Variants in SORCS3 observed in about 807,000 individuals in gnomAD.
The protein encoded by SORCS3 is sortilin related VPS10 domain containing receptor 3.
SORCS3 carries 57 observed loss-of-function variants against 146.3 expected under a neutral mutation model. The observed-to-expected ratio is 0.39, with a 90% CI of 0.31 to 0.49. The LOEUF (loss-of-function observed/expected upper bound fraction) is 0.49. SORCS3 is among the 20% of genes least tolerant of loss of function. The pLI is 0.92. For missense variants in SORCS3, 1,341 were observed against 1,575.5 expected (o/e 0.85, Z 2.52); for synonymous variants, 653 against 618.5 (o/e 1.06, Z -0.83).
intron 3 of SORCS3, among the ~76,000 whole-genome samples, chr10:104,920,325 A>G (rs2019075050): frequency 6.6e-6 from 1 of 152,220 alleles, no homozygotes; most frequent in Non-Finnish European, 1.5e-5. Flanking sequence ...CCCAAAGCTA[A>G]TTGTTGATTT....
At chr10:104,659,349 G>T (rs1261345606) in intron 1 of SORCS3, among the ~76,000 whole-genome samples, 16 of 152,188 alleles carry the variant, frequency 1.1e-4, no homozygotes, top group Admixed American at 1.0e-3. Flanking sequence ...ATTGTATAGT[G>T]CCCAAATTCA....
chr10:104,977,531 A>G, intron 4 of SORCS3, 38 bp downstream of exon 4: 1 of 1,526,794 alleles, frequency 6.5e-7, no homozygotes. Context: ...CTTGTCATCC[A>G]GGTACCACCA....
At chr10:104,703,586 C>T (rs1431696657) in intron 1 of SORCS3, among the ~76,000 whole-genome samples, 2 of 151,464 alleles carry the variant, frequency 1.3e-5, no homozygotes, top group Non-Finnish European at 1.5e-5. Flanking sequence ...AAACAATACA[C>T]CGGGGCCTGC....
At chr10:105,104,418 C>A (rs1240867433) in intron 6 of SORCS3, among the ~76,000 whole-genome samples, 1 of 152,142 alleles carries the variant, frequency 6.6e-6, no homozygotes, top group African/African-American at 2.4e-5. Context: ...GGATAACCTT[C>A]TAGTCATAAT....
At chr10:104,999,468 T>C (rs550162319) in intron 4 of SORCS3, among the ~76,000 whole-genome samples, 3 of 152,224 alleles carry the variant, frequency 2.0e-5, no homozygotes, top group Non-Finnish European at 4.4e-5. Flanking sequence ...TTTCTGCCTG[T>C]TGGAAATAGT....
At position 105,147,622 on chromosome 10, in the gene SORCS3, G is replaced by T; in HGVS notation, c.1308G>T (p.Met436Ile). Residue 436 changes from methionine to isoleucine, a missense_variant, in exon 9 of 27, where the codon ATG (methionine) becomes ATT (isoleucine). Physicochemically the swap from Met to Ile is conservative, Grantham distance 10. Transcript: ENST00000369701. The stretch of plus-strand genomic sequence containing the variant: ...AGCCTTCCATCTTCTTTCAGGACAT[G>T]CACATCATCAGTACAGACGAGAACC... ...KLPKYSLPKD[M>I]HIISTDENQV... 6.2e-7 allele frequency: 1 copy of T among 1,608,632 alleles called. No homozygotes were observed. The highest frequency in any genetic ancestry group is 8.5e-7 in the Non-Finnish European group (1 of 1,176,910).
intron 1 of SORCS3, among the ~76,000 whole-genome samples, chr10:104,664,344 A>G (rs1413454928): frequency 6.6e-6 from 1 of 152,218 alleles, no homozygotes; most frequent in Non-Finnish European, 1.5e-5. Flanking sequence ...GCCTTGAGGA[A>G]TCATCCTTGA....
intron 4 of SORCS3, among the ~76,000 whole-genome samples, chr10:105,037,968 A>G (rs1440775469): frequency 6.6e-6 from 1 of 152,224 alleles, no homozygotes; most frequent in Non-Finnish European, 1.5e-5. Context: ...TAATTAGGGA[A>G]CTAATAACGG....
At chr10:105,131,623 C>T (rs2056019575) in intron 7 of SORCS3, among the ~76,000 whole-genome samples, 1 of 152,098 alleles carries the variant, frequency 6.6e-6, no homozygotes, top group Non-Finnish European at 1.5e-5. Context: ...ATACCTGAGA[C>T]TGGGGAATTT....
At chr10:104,847,814 A>G (rs1171474326) in intron 2 of SORCS3, among the ~76,000 whole-genome samples, 1 of 152,274 alleles carries the variant, frequency 6.6e-6, no homozygotes, top group Non-Finnish European at 1.5e-5. Flanking sequence ...TATGGGAGCC[A>G]TTCTACTATT....
At chr10:105,033,807 C>T (rs1425522582) in intron 4 of SORCS3, among the ~76,000 whole-genome samples, 1 of 152,124 alleles carries the variant, frequency 6.6e-6, no homozygotes, top group African/African-American at 2.4e-5. Flanking sequence ...TGGTATTGTA[C>T]TCTTACCTGT....
chr10:104,951,449 G>A (rs561029271), intron 3 of SORCS3, among the ~76,000 whole-genome samples: 38 of 152,108 alleles, frequency 2.5e-4, no homozygotes, highest in African/African-American at 8.4e-4. Flanking sequence ...CCTTAAGAAA[G>A]GATCAGTAGC....
chr10:105,218,447 T>C (rs1195209339), intron 19 of SORCS3, among the ~76,000 whole-genome samples: 2 of 152,238 alleles, frequency 1.3e-5, no homozygotes, highest in Non-Finnish European at 2.9e-5. Flanking sequence ...AATGCAGATA[T>C]GGCCCTCCTC....
intron 4 of SORCS3, among the ~76,000 whole-genome samples, chr10:105,014,419 G>T (rs1343598202): frequency 6.6e-6 from 1 of 151,946 alleles, no homozygotes; most frequent in Non-Finnish European, 1.5e-5. Context: ...TGTATATAAT[G>T]CTATTAATTA....
intron 1 of SORCS3, among the ~76,000 whole-genome samples, chr10:104,649,099 G>T (rs2015529534): frequency 1.3e-5 from 2 of 152,150 alleles, no homozygotes; most frequent in Admixed American, 6.5e-5. Context: ...TGGGTATATG[G>T]TACAACTTGT....
At chr10:104,730,301 T>TGTTTAGAACAAG (rs1564669935) in intron 1 of SORCS3, among the ~76,000 whole-genome samples, 2 of 152,236 alleles carry the variant, frequency 1.3e-5, no homozygotes, top group African/African-American at 4.8e-5. Flanking sequence ...TCAAGGAATA[T>TGTTTAGAACAAG]GTGCCACAGC....
intron 5 of SORCS3, among the ~76,000 whole-genome samples, chr10:105,087,339 A>G (rs1160604095): frequency 1.3e-5 from 2 of 152,200 alleles, no homozygotes; most frequent in Non-Finnish European, 2.9e-5. Context: ...GCCTTGTAGT[A>G]TGGTTTGAAG....
intron 3 of SORCS3, among the ~76,000 whole-genome samples, chr10:104,936,233 A>AGACAG (rs2019258794): frequency 6.6e-6 from 1 of 152,218 alleles, no homozygotes; most frequent in African/African-American, 2.4e-5. Context: ...ATGTTTAAAA[A>AGACAG]GACAGGTTAT....
intron 20 of SORCS3, among the ~76,000 whole-genome samples, chr10:105,224,707 A>G (rs1369819097): frequency 1.3e-5 from 2 of 152,136 alleles, no homozygotes; most frequent in Non-Finnish European, 2.9e-5. Flanking sequence ...TCCACCACCA[A>G]TGAATGAGAG....
Sources: allele counts gnomAD v4.1 joint callset (sites outside exome capture counted in the v4.1 genomes callset), GRCh38; gene constraint gnomAD v4.1.1; transcripts MANE v1.5; gene names NCBI Gene and HGNC (gene_info 2026-07-23, HGNC 2026-07-21).